The following CENATAC variants were observed in gnomAD, a reference collection of about 807,000 sequenced individuals.
CENATAC encodes coiled-coil domain containing 84.
Under a neutral mutation model 53.7 loss-of-function variants are expected in CENATAC, and 53 were observed. That is an observed-to-expected ratio of 0.99 (90% CI 0.79 to 1.24). The LOEUF (loss-of-function observed/expected upper bound fraction) is 1.24, where lower values mean the gene tolerates loss of function less well. CENATAC is among the 50% of genes most tolerant of loss of function. The pLI, the probability that CENATAC is intolerant of heterozygous loss-of-function variation, is 0.00. For missense variants in CENATAC, 474 were observed against 417.8 expected, an observed-to-expected ratio of 1.13 and a Z score of -1.17; for synonymous variants, 156 against 144.6, an observed-to-expected ratio of 1.08 and a Z score of -0.57.
intron 7 of CENATAC, chr11:119,012,569 C>T (rs1942920223): frequency 3.9e-6 from 1 of 255,770 alleles, no homozygotes; most frequent in African/African-American, 2.2e-5. Flanking sequence ...TTTCCAATCA[C>T]TAGATGCAGA....
intron 3 of CENATAC, chr11:119,005,935 GC>G (rs1180221879): frequency 7.7e-6 from 1 of 130,416 alleles, no homozygotes; most frequent in Non-Finnish European, 1.6e-5. Flanking sequence ...AATTTGAGAT[GC>G]TTTTTTTTTT....
At chr11:119,005,055 C>A (rs1350696585) in intron 3 of CENATAC, among the ~76,000 whole-genome samples, 1 of 148,416 alleles carries the variant, frequency 6.7e-6, no homozygotes, top group Non-Finnish European at 1.5e-5. Context: ...GCAAAATACC[C>A]TGTCTCAAAA....
intron 8 of CENATAC, 72 bp from the exon 9 acceptor site, chr11:119,014,922 A>C: frequency 1.9e-6 from 2 of 1,040,768 alleles, no homozygotes; most frequent in Non-Finnish European, 2.8e-6. Context: ...GAGGTAAGCT[A>C]ACAGCTAGGA....
At position 119,008,144 on chromosome 11, in the gene CENATAC, TCG is replaced by T. The variant is rs1480201827; in HGVS notation, c.384-2619_384-2618del. 3.9e-5 allele frequency among the ~76,000 whole-genome samples: 6 copies of T among 152,172 alleles called. No homozygotes were observed. The East Asian group carries it at 1.2e-3, about 29-fold the overall frequency. Reference sequence around the variant, plus strand: ...CCTCCACACCTGTGGGTATTTCTAGTCGGGTGGGATGAGAGACGGAGAAAAGA... The same window carrying T: ...CCTCCACACCTGTGGGTATTTCTAGTGGTGGGATGAGAGACGGAGAAAAGA... On this transcript the variant is annotated intron_variant, in intron 3 of 10. Coordinates refer to ENST00000334418, the MANE Select transcript of CENATAC (RefSeq NM_198489.3).
chr11:118,998,651 G>A, intron 2 of CENATAC, 58 bp downstream of exon 2: 1 of 1,518,680 alleles, frequency 6.6e-7, no homozygotes, highest in Non-Finnish European at 8.9e-7. Flanking sequence ...CGGGAGGAGG[G>A]TTTGGGGTGG....
intron 3 of CENATAC, chr11:119,003,268 C>T: frequency 1.9e-6 from 1 of 529,606 alleles, no homozygotes; most frequent in Middle Eastern, 5.8e-4. Flanking sequence ...TGGGGGTGCT[C>T]TTAAGATATT....
intron 3 of CENATAC, chr11:119,001,793 A>T (rs1179026116): frequency 2.4e-6 from 1 of 423,908 alleles, no homozygotes; most frequent in Non-Finnish European, 4.8e-6. Flanking sequence ...GTGGTGGTGC[A>T]CACCTGTAGT....
At chr11:119,009,750 TGTGTTGAGAACCAGG>T (rs1942778624) in intron 3 of CENATAC, 2 of 152,350 alleles carry the variant, frequency 1.3e-5, no homozygotes. Flanking sequence ...ACTGAAACTT[TGTGTTGAGAACCAGG>T]GTTTTGAGAA....
At chr11:119,008,103 G>A (rs1942689187) in intron 3 of CENATAC, among the ~76,000 whole-genome samples, 1 of 152,114 alleles carries the variant, frequency 6.6e-6, no homozygotes, top group African/African-American at 2.4e-5. Context: ...TTTACTTATT[G>A]AAGGGGTGGC....
chr11:119,005,670 C>G (rs912663353), intron 3 of CENATAC: 2 of 151,376 alleles, frequency 1.3e-5, no homozygotes, highest in African/African-American at 4.9e-5. Flanking sequence ...TCAGTTTCTT[C>G]TATTTCCTTG....
At chr11:119,012,078 GA>G (rs1942894061) in intron 6 of CENATAC, 70 bp from the exon 7 acceptor site, 2 of 1,613,690 alleles carry the variant, frequency 1.2e-6, no homozygotes, top group Non-Finnish European at 1.7e-6. Context: ...CTGGGAAATG[GA>G]AACAGATCTA....
At chr11:119,000,023 C>T (rs553771993) in intron 3 of CENATAC, among the ~76,000 whole-genome samples, 43 of 152,312 alleles carry the variant, frequency 2.8e-4, no homozygotes, top group African/African-American at 1.0e-3. Context: ...GTGACTCACC[C>T]GCCTTGGCCT....
chr11:118,998,939 A>G (rs565442208), intron 2 of CENATAC, 72 bp from the exon 3 acceptor site: 5 of 1,214,662 alleles, frequency 4.1e-6, no homozygotes, highest in Non-Finnish European at 6.0e-6. Flanking sequence ...TTTGCATTAC[A>G]AACCTAATGC....
At position 119,011,999 on chromosome 11, in the gene CENATAC, A is replaced by C. The variant is rs782265485; in HGVS notation, c.574A>C (p.Asn192His). Reference protein sequence around the residue: ...SSAPRSWKGMNSQVASSLQQP... With the variant: ...SSAPRSWKGMHSQVASSLQQP... ...AGCACCTAGAAGCTGGAAAGGGATG[A>C]ACAGGTAAGACTATTAGGGAATCTC... The change falls in exon 6 of 11, where the codon AAC becomes CAC. Residue 192 changes from asparagine (N) to histidine (H), a missense_variant. Asn to His is a moderately conservative substitution (Grantham distance 68, BLOSUM62 1). Transcript: ENST00000334418. The C allele has an allele frequency of 3.1e-6, 5 of 1,614,030 alleles. No individual in the cohort carries two copies. In the South Asian group the frequency reaches 5.5e-5, roughly 18 times the overall value.
chr11:119,011,163 C>A (rs1396183993), intron 4 of CENATAC, 58 bp from the exon 5 acceptor site: 2 of 1,490,140 alleles, frequency 1.3e-6, no homozygotes, highest in Admixed American at 1.7e-5. Context: ...AAGGAAAGGC[C>A]TCTGAAGAAA....
In CENATAC at chr11:119,015,458, G is replaced by C. The variant is rs369930307; in HGVS notation, c.938+19G>C. 6.2e-7 allele frequency: 1 copy of C among 1,613,766 alleles called. No individual in the cohort carries two copies. Among genetic ancestry groups the C allele is most frequent in the Admixed American group, 1.7e-5 (1 of 59,994 alleles). ...AGTCCAGGTATGTGTGTTCAGTGCC[G>C]GGTCTCCAACCTACCCATCCAACCT... On this transcript the variant is annotated intron_variant, in intron 10 of 10. Coordinates refer to ENST00000334418, the MANE Select transcript of CENATAC (RefSeq NM_198489.3).
In CENATAC at chr11:119,000,024, G is replaced by A. The variant is rs187400590; in HGVS notation, c.383+915G>A. Among the ~76,000 whole-genome samples the A allele has an allele frequency of 1.8e-3, 273 of 152,230 alleles. 1 individual carries two copies. The highest frequency in any genetic ancestry group is 6.0e-3 in the African/African-American group (249 of 41,544). On this transcript the variant is annotated intron_variant, in intron 3 of 10. Transcript: ENST00000334418. Reference sequence around the variant, plus strand: ...ACTCCTGACTTGAGGTGACTCACCCGCCTTGGCCTCCCAAAGTGCTGGGGT... The same window carrying A: ...ACTCCTGACTTGAGGTGACTCACCCACCTTGGCCTCCCAAAGTGCTGGGGT...
At chr11:119,008,343 AAGG>A (rs1407840155) in intron 3 of CENATAC, among the ~76,000 whole-genome samples, 1 of 152,218 alleles carries the variant, frequency 6.6e-6, no homozygotes, top group Non-Finnish European at 1.5e-5. Flanking sequence ...GGGTGATAAT[AAGG>A]AGAAGGTCAA....
rs141547874 is a variant in CENATAC at position 118,999,078 on chromosome 11, A to T, written c.352A>T (p.Lys118Ter). Residue 118 changes from lysine to a stop codon, truncating the protein, a stop_gained, in exon 3 of 11, where the codon AAG becomes TAG. Transcript: ENST00000334418. LOFTEE classifies it high-confidence loss of function. ...CAAAGCTGAGGTCCAGATGAAAGAG[A>T]AGTTTCTGGTCACTCCCCAGGATTA... ...ENKAEVQMKE[K>*]FLVTPQDYAR... 4.3e-6 allele frequency: 7 copies of T among 1,614,058 alleles called. No individual in the cohort carries two copies. Among genetic ancestry groups the T allele is most frequent in the Non-Finnish European group, 5.9e-6 (7 of 1,179,962 alleles).
Sources: allele counts gnomAD v4.1 joint callset (sites outside exome capture counted in the v4.1 genomes callset), GRCh38; gene constraint gnomAD v4.1.1; transcripts MANE v1.5; gene names NCBI Gene and HGNC (gene_info 2026-07-23, HGNC 2026-07-21).